SUGCT: variants seen among roughly 807,000 people sequenced by gnomAD.
SUGCT encodes the protein succinyl-CoA:glutarate CoA-transferase.
SUGCT carries 41 observed loss-of-function variants against 55.0 expected under a neutral mutation model. That is an observed-to-expected ratio of 0.74 (90% CI 0.58 to 0.97). The LOEUF is 0.97. SUGCT is among the 50% of genes least tolerant of loss of function. The pLI, the probability that SUGCT is intolerant of heterozygous loss-of-function variation, is 0.00. For synonymous variants in SUGCT, 187 were observed against 200.4 expected (o/e 0.93, Z 0.56); for missense variants, 568 against 547.8 (o/e 1.04, Z -0.37).
At chr7:40,303,119 C>A (rs546309386) in intron 8 of SUGCT, among the ~76,000 whole-genome samples, 1 of 151,486 alleles carries the variant, frequency 6.6e-6, no homozygotes, top group Non-Finnish European at 1.5e-5. Context: ...CTGCAACCTC[C>A]GCCTCCCGAG....
chr7:40,733,972 G>T (rs1243239167), intron 12 of SUGCT, among the ~76,000 whole-genome samples: 3 of 152,202 alleles, frequency 2.0e-5, no homozygotes, highest in Non-Finnish European at 4.4e-5. Flanking sequence ...TAAGGAAGCA[G>T]ATGTTAATGT....
chr7:40,926,041 T>A, the SUGCT span, among the ~76,000 whole-genome samples: 27 of 151,942 alleles, frequency 1.8e-4, no homozygotes, highest in South Asian at 5.6e-3. Flanking sequence ...TGCAGTGAAC[T>A]ATGATCCCAT....
intron 12 of SUGCT, among the ~76,000 whole-genome samples, chr7:40,686,509 G>T (rs925214239): frequency 6.6e-6 from 1 of 152,170 alleles, no homozygotes; most frequent in East Asian, 1.9e-4. Flanking sequence ...TGATATTTCA[G>T]AGCGTGGCAT....
At chr7:40,159,709 C>T (rs1784058396) in intron 1 of SUGCT, among the ~76,000 whole-genome samples, 1 of 152,044 alleles carries the variant, frequency 6.6e-6, no homozygotes, top group South Asian at 2.1e-4. Context: ...GAGCATGGGA[C>T]TGAGAGATAG....
chr7:40,566,163 G>GTTTAT (rs1796138542), intron 12 of SUGCT, among the ~76,000 whole-genome samples: 4 of 151,990 alleles, frequency 2.6e-5, no homozygotes, highest in African/African-American at 9.7e-5. Flanking sequence ...CTTCTCCCCA[G>GTTTAT]CACATGACCA....
chr7:40,890,244 T>C, the SUGCT span, among the ~76,000 whole-genome samples: 1 of 141,034 alleles, frequency 7.1e-6, no homozygotes, highest in Non-Finnish European at 1.5e-5. Context: ...AATTAAATAT[T>C]TATATTATAT....
At chr7:40,959,519 C>G in the SUGCT span, among the ~76,000 whole-genome samples, 4 of 152,144 alleles carry the variant, frequency 2.6e-5, no homozygotes, top group South Asian at 2.1e-4. Context: ...ACCCTCCCCC[C>G]ACCAAGCTGG....
chr7:40,832,542 T>TG (rs1480337967), intron 13 of SUGCT, among the ~76,000 whole-genome samples: 2 of 151,078 alleles, frequency 1.3e-5, no homozygotes, highest in Admixed American at 6.6e-5. Context: ...GTTGGTTTTT[T>TG]GTTTTCCAGG....
intron 1 of SUGCT, chr7:40,153,992 G>A (rs146454228): frequency 3.3e-5 from 9 of 272,720 alleles, no homozygotes; most frequent in Non-Finnish European, 5.2e-5. Context: ...CTCAGGACGC[G>A]AAATGCTTTA....
chr7:40,854,436 CTTTCT>C, intron 13 of SUGCT, among the ~76,000 whole-genome samples: 1 of 140,700 alleles, frequency 7.1e-6, no homozygotes, highest in East Asian at 2.0e-4. Flanking sequence ...TTCTTTCTTT[CTTTCT>C]TTCTTTCTTT....
chr7:40,584,658 G>A (rs1409175562), intron 12 of SUGCT, among the ~76,000 whole-genome samples: 2 of 152,210 alleles, frequency 1.3e-5, no homozygotes, highest in Non-Finnish European at 2.9e-5. Context: ...ATAAACTGAT[G>A]ACAGGAGAAA....
chr7:40,734,815 C>A (rs1308611823), intron 12 of SUGCT, among the ~76,000 whole-genome samples: 1 of 152,168 alleles, frequency 6.6e-6, no homozygotes, highest in Non-Finnish European at 1.5e-5. Context: ...TCAATGGCTT[C>A]TGAAGAGGAT....
chr7:40,978,245 G>A, the SUGCT span, among the ~76,000 whole-genome samples: 1 of 152,162 alleles, frequency 6.6e-6, no homozygotes, highest in African/African-American at 2.4e-5. Flanking sequence ...CAACACCTCT[G>A]TCATTTGTCT....
intron 6 of SUGCT, among the ~76,000 whole-genome samples, chr7:40,220,252 A>G (rs1438055214): frequency 6.6e-6 from 1 of 152,216 alleles, no homozygotes; most frequent in Non-Finnish European, 1.5e-5. Flanking sequence ...GTCTGCTGCC[A>G]TGCTGACCCA....
At chr7:40,630,910 G>T (rs930170634) in intron 12 of SUGCT, among the ~76,000 whole-genome samples, 1 of 151,966 alleles carries the variant, frequency 6.6e-6, no homozygotes, top group African/African-American at 2.4e-5. Context: ...TGGGAGACTC[G>T]TTAATTTTGT....
intron 12 of SUGCT, among the ~76,000 whole-genome samples, chr7:40,737,598 A>G (rs1468636554): frequency 6.6e-6 from 1 of 152,220 alleles, no homozygotes; most frequent in Non-Finnish European, 1.5e-5. Context: ...GACAGAAAAA[A>G]TGTGGGGAAC....
intron 9 of SUGCT, among the ~76,000 whole-genome samples, chr7:40,342,100 T>G (rs920793897): frequency 1.1e-4 from 16 of 152,208 alleles, no homozygotes; most frequent in African/African-American, 3.9e-4. Context: ...TTAATCAATC[T>G]CTCACCTGGC....
chr7:40,624,418 T>C (rs1485915570), intron 12 of SUGCT, among the ~76,000 whole-genome samples: 1 of 152,250 alleles, frequency 6.6e-6, no homozygotes, highest in African/African-American at 2.4e-5. Context: ...GTACTTAACA[T>C]GTAATTTTAC....
chr7:40,183,206 G>C (rs1478854862), intron 3 of SUGCT, among the ~76,000 whole-genome samples: 4 of 152,214 alleles, frequency 2.6e-5, no homozygotes, highest in Non-Finnish European at 4.4e-5. Context: ...TTGGGAGGTG[G>C]AGGTTTCAGT....
Sources: gnomAD v4.1 joint callset for allele counts (sites outside exome capture counted in the v4.1 genomes callset) on GRCh38, gnomAD v4.1.1 for gene constraint, MANE v1.5 for transcripts, NCBI Gene and HGNC (gene_info 2026-07-23, HGNC 2026-07-21) for gene names.